SLCO1A2: variants seen among roughly 807,000 people sequenced by gnomAD.
The protein encoded by SLCO1A2 is OATP-1.
A neutral mutation model predicts 69.0 loss-of-function variants in SLCO1A2; 67 were observed. That is an observed-to-expected ratio of 0.97 (90% CI 0.80 to 1.19). The LOEUF (loss-of-function observed/expected upper bound fraction) is 1.19, where lower values mean the gene tolerates loss of function less well. SLCO1A2 is among the 50% of genes most tolerant of loss of function. SLCO1A2 has a pLI of 0.00. For synonymous variants in SLCO1A2, 260 were observed against 265.9 expected (o/e 0.98, Z 0.22); for missense variants, 787 against 793.7 (o/e 0.99, Z 0.10).
chr12:21,348,387 CA>C (rs1313141733), intron 2 of SLCO1A2, among the ~76,000 whole-genome samples: 8 of 152,178 alleles, frequency 5.3e-5, no homozygotes, highest in African/African-American at 1.9e-4. Context: ...CTCTCCCTCA[CA>C]GCCCCCCATG....
chr12:21,413,100 T>C (rs977165898), intron 1 of SLCO1A2, among the ~76,000 whole-genome samples: 4 of 151,846 alleles, frequency 2.6e-5, no homozygotes, highest in African/African-American at 4.8e-5. Context: ...TTTGTATTAT[T>C]TTTTTTGATT....
intron 2 of SLCO1A2, among the ~76,000 whole-genome samples, chr12:21,353,796 A>G (rs1938149647): frequency 6.6e-6 from 1 of 152,228 alleles, no homozygotes. Flanking sequence ...GCTAATGGCT[A>G]TTCTCAAGTG....
intron 1 of SLCO1A2, among the ~76,000 whole-genome samples, chr12:21,409,294 C>T (rs530630579): frequency 4.5e-4 from 68 of 152,100 alleles, no homozygotes; most frequent in African/African-American, 1.3e-3. Context: ...ATTCATATTC[C>T]GCCTCTATAA....
chr12:21,418,222 G>T (rs552769972), upstream of SLCO1A2, among the ~76,000 whole-genome samples: 119 of 152,268 alleles, frequency 7.8e-4, no homozygotes, highest in Non-Finnish European at 1.3e-3. Context: ...AGAAGCAGAA[G>T]AAAATTCTTC....
chr12:21,343,006 T>A (rs566125355), intron 2 of SLCO1A2, among the ~76,000 whole-genome samples: 1 of 152,096 alleles, frequency 6.6e-6, no homozygotes, highest in South Asian at 2.1e-4. Context: ...CACATCCAGG[T>A]GGGTATGTCC....
intron 2 of SLCO1A2, among the ~76,000 whole-genome samples, chr12:21,331,485 G>C (rs1052331286): frequency 1.3e-5 from 2 of 152,050 alleles, no homozygotes; most frequent in Non-Finnish European, 2.9e-5. Flanking sequence ...GGTACAGTTG[G>C]TCAAATCTGA....
At chr12:21,274,213 A>AATT (rs1352194281) in intron 14 of SLCO1A2, 3 of 356,324 alleles carry the variant, frequency 8.4e-6, no homozygotes, top group East Asian at 4.8e-5. Context: ...GACTGCTAAG[A>AATT]ATTTAACGAA....
chr12:21,270,559 A>G (rs1380857297), intron 14 of SLCO1A2, among the ~76,000 whole-genome samples: 2 of 151,770 alleles, frequency 1.3e-5, no homozygotes, highest in African/African-American at 4.8e-5. Flanking sequence ...TGCATAATTT[A>G]CAAATGAATC....
At chr12:21,349,472 G>A (rs1033208793) in intron 2 of SLCO1A2, among the ~76,000 whole-genome samples, 3 of 152,142 alleles carry the variant, frequency 2.0e-5, no homozygotes, top group South Asian at 2.1e-4. Context: ...ACTGCAAGCC[G>A]TTGTGGGCCA....
At chr12:21,301,970 T>C (rs1948769441) in intron 6 of SLCO1A2, among the ~76,000 whole-genome samples, 1 of 152,164 alleles carries the variant, frequency 6.6e-6, no homozygotes, top group South Asian at 2.1e-4. Context: ...ACTTCAAAAT[T>C]TGGCTTTGCC....
rs149051574 is a variant in SLCO1A2 at position 21,401,226 on chromosome 12, A to C, written c.-312+16656T>G. On this transcript the variant is annotated intron_variant, in intron 1 of 4. Coordinates refer to the SLCO1A2 transcript ENST00000413682. ...ATTACTAATACTTGTAAATCACAAA[A>C]AAGTTCCTATATTGTAATTAATAAA... Among the ~76,000 whole-genome samples the C allele has an allele frequency of 1.1e-4, 16 of 152,062 alleles. No homozygotes were observed. The East Asian group carries it at 2.9e-3, about 28-fold the overall frequency.
chr12:21,274,175 G>A (rs921307488), intron 14 of SLCO1A2: 5 of 261,922 alleles, frequency 1.9e-5, no homozygotes, highest in African/African-American at 4.3e-5. Context: ...AGGTATCAGT[G>A]TACAACCATT....
intron 2 of SLCO1A2, among the ~76,000 whole-genome samples, chr12:21,321,291 G>C (rs781319957): frequency 6.6e-6 from 1 of 152,034 alleles, no homozygotes; most frequent in Non-Finnish European, 1.5e-5. Context: ...TATGCATGCT[G>C]TCTTTAGGAA....
At chr12:21,331,370 C>T (rs12306839) in intron 2 of SLCO1A2, among the ~76,000 whole-genome samples, 151 of 152,124 alleles carry the variant, frequency 9.9e-4, no homozygotes, top group African/African-American at 3.5e-3. Flanking sequence ...AGAAACCAAG[C>T]GCATAATTTG....
At chr12:21,417,348 G>T (rs1264762772) in intron 1 of SLCO1A2, among the ~76,000 whole-genome samples, 4 of 150,820 alleles carry the variant, frequency 2.7e-5, no homozygotes, top group Admixed American at 1.3e-4. Flanking sequence ...TTTTCAAAAG[G>T]AGTAATGAAT....
chr12:21,299,551 C>A, intron 8 of SLCO1A2, among the ~76,000 whole-genome samples: 1 of 150,424 alleles, frequency 6.6e-6, no homozygotes, highest in Non-Finnish European at 1.5e-5. Context: ...AGAGGTGGGT[C>A]ACCGATCATG....
rs1211854307 is a variant in SLCO1A2, at chr12:21,265,290, ACT to A, written c.*4256_*4257del. ...CAGTGCAAGGCCTTATTTCCATGAG[ACT>A]CTGGGAGAACAGCATGCATTCTGGG... On this transcript the variant is annotated 3_prime_UTR_variant, in exon 15 of 15. Coordinates refer to ENST00000683939, the MANE Select transcript of SLCO1A2 (RefSeq NM_001386879.1). 1.3e-5 allele frequency: 2 copies of A among 152,022 alleles called. No homozygotes were observed. The highest frequency in any genetic ancestry group is 4.8e-5 in the African/African-American group (2 of 41,334). The allele number at this position is 152,022 out of a possible 1,614,324, so 9.4% of individuals were successfully genotyped here.
intron 12 of SLCO1A2, among the ~76,000 whole-genome samples, chr12:21,289,226 A>T (rs985955097): frequency 1.3e-5 from 1 of 75,598 alleles, no homozygotes; most frequent in Non-Finnish European, 3.0e-5. Flanking sequence ...GTGTGTGTGT[A>T]TGGCATCACT....
At chr12:21,271,692 C>T (rs1380734986) in intron 14 of SLCO1A2, among the ~76,000 whole-genome samples, 1 of 128,014 alleles carries the variant, frequency 7.8e-6, no homozygotes, top group Non-Finnish European at 1.8e-5. Context: ...TGTATATAAA[C>T]ATATATACCT....
Sources: allele counts gnomAD v4.1 joint callset (sites outside exome capture counted in the v4.1 genomes callset), GRCh38; gene constraint gnomAD v4.1.1; transcripts MANE v1.5; gene names NCBI Gene and HGNC (gene_info 2026-07-23, HGNC 2026-07-21).